UBE2E2: variants seen among roughly 807,000 people sequenced by gnomAD.
The protein encoded by UBE2E2 is ubiquitin conjugating enzyme E2 E2.
A neutral mutation model predicts 24.7 loss-of-function variants in UBE2E2; 6 were observed. That is an observed-to-expected ratio of 0.24 (90% CI 0.13 to 0.48). UBE2E2 has a LOEUF of 0.48. Among genes scored for constraint, UBE2E2 ranks in the 20% least tolerant of loss-of-function variants. The pLI is 0.99. For missense variants in UBE2E2, 169 were observed against 245.0 expected, an observed-to-expected ratio of 0.69 and a Z score of 2.07; for synonymous variants, 104 against 83.6, an observed-to-expected ratio of 1.24 and a Z score of -1.33.
chr3:23,227,021 G>A (rs1575485697), intron 3 of UBE2E2, among the ~76,000 whole-genome samples: 1 of 151,678 alleles, frequency 6.6e-6, no homozygotes, highest in East Asian at 1.9e-4. Context: ...TTTTGAACTG[G>A]CCCACCTTGT....
chr3:23,357,456 C>G (rs1437653788), intron 3 of UBE2E2, among the ~76,000 whole-genome samples: 1 of 151,890 alleles, frequency 6.6e-6, no homozygotes, highest in Non-Finnish European at 1.5e-5. Context: ...AGATTATATC[C>G]ATAGAAAATA....
intron 5 of UBE2E2, among the ~76,000 whole-genome samples, chr3:23,587,459 A>T (rs1363296039): frequency 6.6e-6 from 1 of 152,202 alleles, no homozygotes; most frequent in Non-Finnish European, 1.5e-5. Context: ...TACCTTCATC[A>T]GTAAGTTAGA....
chr3:23,287,240 T>G (rs1698639985), intron 3 of UBE2E2, among the ~76,000 whole-genome samples: 1 of 152,220 alleles, frequency 6.6e-6, no homozygotes. Flanking sequence ...TTTGCATATA[T>G]TGAACCATCC....
At position 23,351,332 on chromosome 3, in the gene UBE2E2, CA is replaced by C. The variant is rs1467534866; in HGVS notation, c.227+134022del. ...GCTAGGAAGAAACTCCATCAACTAA[CA>C]AGCAAAATAACCAGCTAACATCATA... On this transcript the variant is annotated intron_variant, in intron 3 of 5. Transcript: ENST00000396703. Among the ~76,000 whole-genome samples, 4 of 152,190 alleles carry C rather than the reference CA, an allele frequency of 2.6e-5. No individual in the cohort carries two copies. In the East Asian group the frequency reaches 7.7e-4, roughly 29 times the overall value.
chr3:23,330,484 A>G (rs1027530253), intron 3 of UBE2E2, among the ~76,000 whole-genome samples: 1 of 152,244 alleles, frequency 6.6e-6, no homozygotes, highest in Non-Finnish European at 1.5e-5. Context: ...ACACATAAGT[A>G]CAAGAAAGAT....
intron 3 of UBE2E2, among the ~76,000 whole-genome samples, chr3:23,315,203 C>G (rs1428009766): frequency 6.6e-6 from 1 of 152,132 alleles, no homozygotes; most frequent in Non-Finnish European, 1.5e-5. Flanking sequence ...CCCCTTTCCC[C>G]AGGCAGAGGA....
chr3:23,479,568 G>C (rs1699210914), intron 3 of UBE2E2, among the ~76,000 whole-genome samples: 1 of 152,176 alleles, frequency 6.6e-6, no homozygotes, highest in Admixed American at 6.5e-5. Context: ...AGCACTGTTT[G>C]TATTACAGCT....
intron 3 of UBE2E2, among the ~76,000 whole-genome samples, chr3:23,363,797 T>G (rs1436260291): frequency 2.0e-5 from 3 of 152,010 alleles, no homozygotes; most frequent in Non-Finnish European, 4.4e-5. Context: ...CAAACGGGCC[T>G]AGTAGACATC....
chr3:23,499,116 T>C (rs1699665993), intron 3 of UBE2E2, among the ~76,000 whole-genome samples: 1 of 152,210 alleles, frequency 6.6e-6, no homozygotes, highest in African/African-American at 2.4e-5. Context: ...TCATGATGTA[T>C]GGGTCAGGAA....
Position 23,208,692 on chromosome 3 carries a change from G to A in UBE2E2, c.-8G>A. The A allele has an allele frequency of 6.3e-7, 1 of 1,596,342 alleles. No homozygotes were observed. Among genetic ancestry groups the A allele is most frequent in the Non-Finnish European group, 8.5e-7 (1 of 1,172,102 alleles). On this transcript the variant is annotated splice_region_variant and 5_prime_UTR_variant, in exon 2 of 6. Coordinates refer to ENST00000396703, the MANE Select transcript of UBE2E2 (RefSeq NM_152653.4). ...AATGATTTTTGATTCTTTAATCCAG[G>A]ATCTAAAATGTCCACTGAGGCACAA...
intron 5 of UBE2E2, among the ~76,000 whole-genome samples, chr3:23,569,279 A>G (rs1696167092): frequency 1.3e-5 from 2 of 152,190 alleles, no homozygotes; most frequent in Admixed American, 6.5e-5. Context: ...AACTACCTAG[A>G]CACCAAAGTA....
At chr3:23,204,243 CT>C (rs566928030) in intron 1 of UBE2E2, among the ~76,000 whole-genome samples, 2 of 149,166 alleles carry the variant, frequency 1.3e-5, no homozygotes, top group African/African-American at 4.9e-5. Flanking sequence ...CTTCTTGTGG[CT>C]TTTTTCCCCC....
intron 3 of UBE2E2, among the ~76,000 whole-genome samples, chr3:23,296,536 C>T (rs1266687555): frequency 2.0e-5 from 3 of 152,126 alleles, no homozygotes; most frequent in Admixed American, 6.5e-5. Context: ...TCAATTCCCA[C>T]CTATAACTGA....
intron 3 of UBE2E2, among the ~76,000 whole-genome samples, chr3:23,304,911 C>A (rs907988582): frequency 1.3e-5 from 2 of 151,720 alleles, no homozygotes; most frequent in Non-Finnish European, 2.9e-5. Flanking sequence ...TGAATCTTAC[C>A]CATGGATGAT....
At chr3:23,299,848 T>A (rs13075300) in intron 3 of UBE2E2, among the ~76,000 whole-genome samples, 5 of 152,208 alleles carry the variant, frequency 3.3e-5, no homozygotes, top group Admixed American at 3.3e-4. Context: ...TTGTTAACTT[T>A]CTGTCTCGTT....
chr3:23,564,151 A>T (rs978562680), intron 5 of UBE2E2, among the ~76,000 whole-genome samples: 8 of 152,112 alleles, frequency 5.3e-5, no homozygotes, highest in African/African-American at 1.9e-4. Flanking sequence ...ACAAGTAAAA[A>T]TATAATTGAT....
At position 23,532,613 on chromosome 3, in the gene UBE2E2, G is replaced by T; in HGVS notation, c.420G>T (p.Leu140=). 6.3e-7 allele frequency: 1 copy of T among 1,575,826 alleles called. No homozygotes were observed. The highest frequency in any genetic ancestry group is 1.2e-5 in the South Asian group (1 of 85,060). ...TTAACAGCCAAGGTGTGATCTGTCT[G>T]GACATCTTAAAGGACAACTGGAGTC... ...CNINSQGVIC[L]DILKDNWSPA... The change falls in exon 5 of 6, where the codon CTG becomes CTT. Residue 140 remains leucine, a synonymous_variant. Coordinates refer to ENST00000396703, the MANE Select transcript of UBE2E2 (RefSeq NM_152653.4).
At chr3:23,468,029 G>A (rs1353751257) in intron 3 of UBE2E2, among the ~76,000 whole-genome samples, 3 of 152,190 alleles carry the variant, frequency 2.0e-5, no homozygotes, top group Non-Finnish European at 4.4e-5. Context: ...CAACACTGAG[G>A]ATTACAATTA....
At chr3:23,431,646 A>G (rs1003841144) in intron 3 of UBE2E2, among the ~76,000 whole-genome samples, 84 of 152,348 alleles carry the variant, frequency 5.5e-4, no homozygotes, top group African/African-American at 1.9e-3. Flanking sequence ...CACTTCTGAC[A>G]TCTTCAGATC....
Sources: gnomAD v4.1 joint callset for allele counts (sites outside exome capture counted in the v4.1 genomes callset) on GRCh38, gnomAD v4.1.1 for gene constraint, MANE v1.5 for transcripts, NCBI Gene and HGNC (gene_info 2026-07-23, HGNC 2026-07-21) for gene names.